The following VPS13B variants were observed in gnomAD, a reference collection of about 807,000 sequenced individuals.
The protein encoded by VPS13B is intermembrane lipid transfer protein VPS13B.
VPS13B carries 285 observed loss-of-function variants against 426.4 expected under a neutral mutation model. The ratio of observed to expected loss-of-function variants is 0.67; its 90% CI spans 0.61 to 0.74. VPS13B has a LOEUF of 0.74. VPS13B is among the 30% of genes least tolerant of loss of function. The probability of loss-of-function intolerance (pLI) is 0.00; values close to 1 mark genes in which losing one functional copy is unlikely to be tolerated. For synonymous variants in VPS13B, 1,676 were observed against 1,676.4 expected (o/e 1.00, Z 0.01); for missense variants, 4,537 against 4,782.6 (o/e 0.95, Z 1.51).
intron 5 of VPS13B, among the ~76,000 whole-genome samples, chr8:99,103,790 C>T (rs951802121): frequency 1.3e-5 from 2 of 151,954 alleles, no homozygotes; most frequent in African/African-American, 2.4e-5. Flanking sequence ...TGAGCCACTG[C>T]GCCTGGCCAA....
At chr8:99,325,287 C>T (rs868544044) in intron 19 of VPS13B, among the ~76,000 whole-genome samples, 75 of 152,268 alleles carry the variant, frequency 4.9e-4, no homozygotes, top group Middle Eastern at 3.4e-3. Flanking sequence ...TTTTTATTTC[C>T]GCTTACCCTG....
chr8:99,057,394 T>A (rs541544977), intron 3 of VPS13B, among the ~76,000 whole-genome samples: 1 of 152,170 alleles, frequency 6.6e-6, no homozygotes, highest in African/African-American at 2.4e-5. Flanking sequence ...ACTTGTCATC[T>A]CTTTCCAAAA....
chr8:99,777,134 ACC>A (rs1811781879), intron 41 of VPS13B, among the ~76,000 whole-genome samples, 178 bp downstream of exon 41: 2 of 152,324 alleles, frequency 1.3e-5, no homozygotes, highest in Non-Finnish European at 2.9e-5. Context: ...TTACTTCTGA[ACC>A]AGCTTATGAA....
At chr8:99,295,513 A>G (rs778998232) in intron 19 of VPS13B, among the ~76,000 whole-genome samples, 2 of 152,216 alleles carry the variant, frequency 1.3e-5, no homozygotes, top group Non-Finnish European at 2.9e-5. Flanking sequence ...TAGAAAATGT[A>G]TTTGATACAT....
rs190327307 is a variant in VPS13B at position 99,570,581 on chromosome 8, T to A, written c.4950-5077T>A. ...CCTTGCTTTTTTTCTTATGTTTTTT[T>A]AATTCTGTATGTTTTTAGTAATTTT... is the stretch of plus-strand genomic sequence containing the variant. On this transcript the variant is annotated intron_variant, in intron 31 of 61. Coordinates refer to ENST00000357162, the MANE Select transcript of VPS13B (RefSeq NM_152564.5). 1.6e-4 allele frequency among the ~76,000 whole-genome samples: 25 copies of A among 152,178 alleles called. No homozygotes were observed. The East Asian group carries it at 4.6e-3, about 28-fold the overall frequency.
intron 30 of VPS13B, among the ~76,000 whole-genome samples, chr8:99,550,682 G>T (rs1049773514): frequency 6.6e-6 from 1 of 151,638 alleles, no homozygotes. Flanking sequence ...GCTAAAACTA[G>T]TATTTTAGAC....
intron 35 of VPS13B, among the ~76,000 whole-genome samples, chr8:99,686,957 T>C (rs965262274): frequency 6.6e-6 from 1 of 151,980 alleles, no homozygotes; most frequent in African/African-American, 2.4e-5. Context: ...CAGCTGGGAA[T>C]GTGCTGGGTC....
At chr8:99,676,244 G>C (rs139546712) in intron 35 of VPS13B, among the ~76,000 whole-genome samples, 2 of 152,056 alleles carry the variant, frequency 1.3e-5, no homozygotes, top group Admixed American at 1.3e-4. Context: ...ATGGAATCCC[G>C]TGGCCACCAA....
chr8:99,697,394 C>T, intron 35 of VPS13B: 1 of 622,400 alleles, frequency 1.6e-6, no homozygotes, highest in South Asian at 1.9e-5. Flanking sequence ...GGTCAGAGAC[C>T]CTGAAGGACA....
intron 40 of VPS13B, 87 bp downstream of exon 40, chr8:99,767,057 T>A: frequency 7.6e-7 from 1 of 1,313,340 alleles, no homozygotes; most frequent in East Asian, 2.4e-5. Flanking sequence ...CTCACTTAAC[T>A]GTATCTCAGC....
chr8:99,525,552 A>G (rs182482590), intron 30 of VPS13B, among the ~76,000 whole-genome samples: 18 of 152,338 alleles, frequency 1.2e-4, no homozygotes, highest in African/African-American at 3.8e-4. Flanking sequence ...CTTTCAAATT[A>G]TAAAAGCCTA....
chr8:99,543,314 A>G (rs2133732902), intron 30 of VPS13B, among the ~76,000 whole-genome samples: 1 of 152,350 alleles, frequency 6.6e-6, no homozygotes, highest in South Asian at 2.1e-4. Context: ...AATCAATTCA[A>G]GATGGATTAA....
At chr8:99,856,589 C>T (rs886788542) in intron 56 of VPS13B, among the ~76,000 whole-genome samples, 2 of 152,210 alleles carry the variant, frequency 1.3e-5, no homozygotes, top group Non-Finnish European at 2.9e-5. Flanking sequence ...GCCTGTAATC[C>T]CAGCACTTTG....
chr8:99,548,328 G>A (rs181943278), intron 30 of VPS13B, among the ~76,000 whole-genome samples: 64 of 152,046 alleles, frequency 4.2e-4, no homozygotes, highest in African/African-American at 1.4e-3. Flanking sequence ...TTTTCTTAGG[G>A]AAGGGAGCTG....
chr8:99,544,721 A>T (rs1823865606), intron 30 of VPS13B, among the ~76,000 whole-genome samples: 1 of 147,078 alleles, frequency 6.8e-6, no homozygotes, highest in Non-Finnish European at 1.5e-5. Context: ...AAACCTTTAC[A>T]AGCATCCTTA....
intron 20 of VPS13B, 86 bp from the exon 21 acceptor site, chr8:99,391,471 C>T: frequency 6.2e-7 from 1 of 1,600,010 alleles, no homozygotes; most frequent in Middle Eastern, 1.7e-4. Flanking sequence ...AAGGACTGTC[C>T]TCAGTATTGC....
At chr8:99,429,295 AAAAG>A (rs1816951772) in intron 21 of VPS13B, among the ~76,000 whole-genome samples, 1 of 152,144 alleles carries the variant, frequency 6.6e-6, no homozygotes, top group African/African-American at 2.4e-5. Flanking sequence ...AAAAAAAAAA[AAAAG>A]AAAAAGTATG....
chr8:99,043,482 G>A (rs1481351868), intron 3 of VPS13B, among the ~76,000 whole-genome samples: 2 of 152,092 alleles, frequency 1.3e-5, no homozygotes, highest in East Asian at 3.9e-4. Flanking sequence ...TGAGGTCATT[G>A]CTTGAATGTT....
chr8:99,610,995 G>C (rs1827824980), intron 33 of VPS13B, among the ~76,000 whole-genome samples: 1 of 152,110 alleles, frequency 6.6e-6, no homozygotes, highest in African/African-American at 2.4e-5. Flanking sequence ...CTTCAAAAAT[G>C]GTTATAGAAA....
Sources: gnomAD v4.1 joint callset for allele counts (sites outside exome capture counted in the v4.1 genomes callset) on GRCh38, gnomAD v4.1.1 for gene constraint, MANE v1.5 for transcripts, NCBI Gene and HGNC (gene_info 2026-07-23, HGNC 2026-07-21) for gene names.